COL11A1: variants seen among roughly 807,000 people sequenced by gnomAD.
The protein encoded by COL11A1 is collagen type XI alpha 1 chain, also known as collagen alpha-1(XI) chain.
Under a neutral mutation model 265.2 loss-of-function variants are expected in COL11A1, and 74 were observed. The observed-to-expected ratio is 0.28, with a 90% CI of 0.23 to 0.34. The LOEUF (loss-of-function observed/expected upper bound fraction) is 0.34. Among genes scored for constraint, COL11A1 ranks in the 10% least tolerant of loss-of-function variants. The probability of loss-of-function intolerance (pLI) is 1.00; values close to 1 mark genes in which losing one functional copy is unlikely to be tolerated. For synonymous variants in COL11A1, 816 were observed against 727.6 expected, an observed-to-expected ratio of 1.12 and a Z score of -1.96; for missense variants, 2,165 against 2,263.6, an observed-to-expected ratio of 0.96 and a Z score of 0.88.
intron 35 of COL11A1, among the ~76,000 whole-genome samples, chr1:102,978,148 T>C (rs539806130): frequency 2.0e-5 from 3 of 152,274 alleles, no homozygotes; most frequent in African/African-American, 7.2e-5. Context: ...GCTACAAAAA[T>C]GTTATATTTT....
At chr1:103,099,736 G>A (rs1674090573) in intron 1 of COL11A1, among the ~76,000 whole-genome samples, 1 of 151,778 alleles carries the variant, frequency 6.6e-6, no homozygotes, top group Non-Finnish European at 1.5e-5. Flanking sequence ...AAGTTTTGGA[G>A]GTAATATAGT....
chr1:102,989,415 C>T (rs1337714228), intron 29 of COL11A1, 103 bp downstream of exon 29: 1 of 641,026 alleles, frequency 1.6e-6, no homozygotes. Flanking sequence ...GTAGTACAAA[C>T]ATTTTATTTA....
chr1:103,099,712 G>A (rs2102409878), intron 1 of COL11A1, among the ~76,000 whole-genome samples: 1 of 151,844 alleles, frequency 6.6e-6, no homozygotes, highest in African/African-American at 2.4e-5. Context: ...ATATCTTAAG[G>A]TATTAACAAA....
At chr1:103,026,399 A>G in intron 5 of COL11A1, 67 bp from the exon 6 acceptor site, 1 of 997,470 alleles carries the variant, frequency 1.0e-6, no homozygotes, top group Non-Finnish European at 1.6e-6. Flanking sequence ...CAAAGTGAGA[A>G]CCATCTTAAC....
chr1:102,993,240 A>C lies in COL11A1; in HGVS notation c.2340+2624T>G, dbSNP rs531614982. ...TTATTTTTCGTATAGGCAACCTACAAATTACATGTTAAACCCTACCTGACT... is the reference window on the plus strand; with the variant it reads ...TTATTTTTCGTATAGGCAACCTACACATTACATGTTAAACCCTACCTGACT... On this transcript the variant is annotated intron_variant, in intron 28 of 66. Coordinates refer to ENST00000370096, the MANE Select transcript of COL11A1 (RefSeq NM_001854.4). Among the ~76,000 whole-genome samples, 3 of 152,222 alleles carry C rather than the reference A, an allele frequency of 2.0e-5. No individual in the cohort carries two copies. In the East Asian group the frequency reaches 5.8e-4, roughly 29 times the overall value.
chr1:103,075,951 C>A (rs115709686), intron 3 of COL11A1, among the ~76,000 whole-genome samples: 5 of 152,098 alleles, frequency 3.3e-5, no homozygotes, highest in African/African-American at 9.7e-5. Context: ...GTAAAATTTA[C>A]ACATACTTCA....
At chr1:103,025,699 T>C (rs996853124) in intron 6 of COL11A1, 86 bp from the exon 7 acceptor site, 14 of 1,559,994 alleles carry the variant, frequency 9.0e-6, no homozygotes, top group Admixed American at 1.7e-5. Flanking sequence ...GTTATAGTAT[T>C]AGCCAAGTGA....
At chr1:102,904,882 C>T (rs1223496428) in intron 54 of COL11A1, among the ~76,000 whole-genome samples, 5 of 152,092 alleles carry the variant, frequency 3.3e-5, no homozygotes, top group Non-Finnish European at 7.4e-5. Context: ...TGGGTATATA[C>T]CCAAAGGATT....
In COL11A1 at chr1:102,979,099, T is replaced by C. The variant is rs1335547371; in HGVS notation, c.2616A>G (p.Val872=). Residue 872 remains valine, a synonymous_variant, in exon 33 of 67, where the codon GTA becomes GTG. Transcript: ENST00000370096. ...GANGEKGARG[V]AGKPGPRGQR... Reference sequence around the variant, plus strand: ...GACCCCGAGGGCCTGGTTTGCCAGCTACTCCCTAGCAAAGACAGTTCAATT... The same window carrying C: ...GACCCCGAGGGCCTGGTTTGCCAGCCACTCCCTAGCAAAGACAGTTCAATT... 1.9e-6 allele frequency: 3 copies of C among 1,614,138 alleles called. No individual in the cohort carries two copies. The highest frequency in any genetic ancestry group is 2.2e-5 in the South Asian group (2 of 91,082).
At chr1:103,087,939 T>G (rs927773321) in intron 1 of COL11A1, among the ~76,000 whole-genome samples, 1 of 152,228 alleles carries the variant, frequency 6.6e-6, no homozygotes, top group African/African-American at 2.4e-5. Flanking sequence ...AGGAACTTCC[T>G]CTGAAATCCT....
intron 4 of COL11A1, among the ~76,000 whole-genome samples, chr1:103,069,700 T>G (rs1341230769): frequency 2.0e-5 from 3 of 151,818 alleles, no homozygotes; most frequent in Non-Finnish European, 4.4e-5. Flanking sequence ...CTCTTAAAAC[T>G]CCTTAAACTA....
rs1379870126 is a variant in COL11A1 at position 103,108,443 on chromosome 1, C to G, written c.-265G>C. 2 of 601,932 alleles carry G rather than the reference C, an allele frequency of 3.3e-6. No homozygotes were observed. Among genetic ancestry groups the G allele is most frequent in the Non-Finnish European group, 5.9e-6 (2 of 339,156 alleles). 37.3% of individuals were successfully genotyped at this position (601,932 alleles called of 1,614,324 possible). The stretch of plus-strand genomic sequence containing the variant: ...TGATCCTTCCTCTGCCGGGCCCTGC[C>G]TTCAGAATGAAGGCAGATGAGGGGC... On this transcript the variant is annotated 5_prime_UTR_variant, in exon 1 of 67. Coordinates refer to ENST00000370096, the MANE Select transcript of COL11A1 (RefSeq NM_001854.4).
At chr1:102,969,252 C>A (rs538122389) in intron 37 of COL11A1, among the ~76,000 whole-genome samples, 38 of 152,138 alleles carry the variant, frequency 2.5e-4, no homozygotes, top group Non-Finnish European at 5.0e-4. Context: ...TGGCTGCTGA[C>A]AAATTGTTTC....
intron 1 of COL11A1, among the ~76,000 whole-genome samples, chr1:103,106,785 G>A (rs1321030988): frequency 6.6e-6 from 1 of 152,100 alleles, no homozygotes; most frequent in Non-Finnish European, 1.5e-5. Flanking sequence ...GCCACTAAGC[G>A]TGTGGAAGGA....
chr1:103,082,152 C>A (rs963919997), intron 2 of COL11A1, among the ~76,000 whole-genome samples: 8 of 151,974 alleles, frequency 5.3e-5, no homozygotes, highest in Admixed American at 5.2e-4. Context: ...AACAAATATT[C>A]AGCAAGTACT....
Position 103,083,265 on chromosome 1 carries a change from TGC to T in COL11A1, c.107-295_107-294del, listed in dbSNP as rs1491159319. On this transcript the variant is annotated intron_variant, in intron 1 of 66. Coordinates refer to ENST00000370096, the MANE Select transcript of COL11A1 (RefSeq NM_001854.4). ...GTCTGTGTCTGTGTGTGTGTGTGTGTGCGTGTGTGTGTACATAGGCATATGTG... is the reference window on the plus strand; with the variant it reads ...GTCTGTGTCTGTGTGTGTGTGTGTGTGTGTGTGTGTACATAGGCATATGTG... 0.084 allele frequency among the ~76,000 whole-genome samples: 12,593 copies of T among 150,082 alleles called. 603 individuals are homozygous for T. Among genetic ancestry groups the T allele is most frequent in the African/African-American group, 0.13 (5,328 of 40,738 alleles).
intron 4 of COL11A1, among the ~76,000 whole-genome samples, chr1:103,044,619 A>C (rs1669101877): frequency 6.6e-6 from 1 of 152,156 alleles, no homozygotes; most frequent in African/African-American, 2.4e-5. Context: ...AATTTAATTA[A>C]TTAAAAGGTT....
chr1:103,064,864 G>T (rs1048660255), intron 4 of COL11A1, among the ~76,000 whole-genome samples: 1 of 151,808 alleles, frequency 6.6e-6, no homozygotes, highest in Admixed American at 6.6e-5. Flanking sequence ...AACTTCCAGG[G>T]GTTAATCAGG....
At chr1:102,954,207 C>T (rs1660151693) in intron 41 of COL11A1, among the ~76,000 whole-genome samples, 1 of 152,114 alleles carries the variant, frequency 6.6e-6, no homozygotes, top group Admixed American at 6.5e-5. Flanking sequence ...CAGCCCTTCC[C>T]CTAAATCCTG....
Sources: gnomAD v4.1 joint callset for allele counts (sites outside exome capture counted in the v4.1 genomes callset) on GRCh38, gnomAD v4.1.1 for gene constraint, MANE v1.5 for transcripts, NCBI Gene and HGNC (gene_info 2026-07-23, HGNC 2026-07-21) for gene names.